FANCA: variants seen among roughly 807,000 people sequenced by gnomAD.
FANCA encodes Fanconi anemia group A protein.
In FANCA, 236 loss-of-function variants were observed where a neutral mutation model predicts 194.3. The observed-to-expected ratio is 1.21, with a 90% CI of 1.09 to 1.35. FANCA has a LOEUF of 1.35. Among genes scored for constraint, FANCA ranks in the 40% most tolerant of loss-of-function variants. The pLI is 0.00. For synonymous variants in FANCA, 1,014 were observed against 715.8 expected (o/e 1.42, Z -6.65); for missense variants, 2,628 against 1,813.9 (o/e 1.45, Z -8.15).
rs1473904587 is a variant in FANCA at position 89,758,569 on chromosome 16, C to T, written c.2981+8G>A. On this transcript the variant is annotated splice_region_variant and intron_variant, in intron 30 of 42. Transcript: ENST00000389301. ...CCAGAGAACCCTAATACAGTGTGTG[C>T]TGCTAACCTTTGGTGGAAATCCATC... is the stretch of plus-strand genomic sequence containing the variant. 7 of 1,613,090 alleles carry T rather than the reference C, an allele frequency of 4.3e-6. No individual in the cohort carries two copies. Among genetic ancestry groups the T allele is most frequent in the Non-Finnish European group, 5.9e-6 (7 of 1,179,268 alleles).
chr16:89,798,943 G>A, intron 10 of FANCA: 1 of 1,609,730 alleles, frequency 6.2e-7, no homozygotes, highest in Non-Finnish European at 8.5e-7. Context: ...ATACTGCAGT[G>A]GGCGCACCTT....
rs375895456 is a variant in FANCA, at chr16:89,792,476, G to A, written c.1078C>T (p.Arg360Cys). 48 of 1,612,952 alleles carry A rather than the reference G, an allele frequency of 3.0e-5. No individual in the cohort carries two copies. The highest frequency in any genetic ancestry group is 5.3e-5 in the African/African-American group (4 of 74,876). ...RTHPLLTSLYRRLFVMLSAEE... is the reference protein window; with the variant it reads ...RTHPLLTSLYCRLFVMLSAEE... ...ATAATACCACATCCACTCACCCTGC[G>A]GTACAGTGAGGTGAGCAGAGGGTGT... Residue 360 changes from arginine to cysteine, a missense_variant, in exon 12 of 43, where the codon CGC becomes TGC. Arg to Cys is a radical substitution (Grantham distance 180). Coordinates refer to ENST00000389301, the MANE Select transcript of FANCA (RefSeq NM_000135.4).
Position 89,816,559 on chromosome 16 carries a change from C to G in FANCA, c.57G>C (p.Arg19=), listed in dbSNP as rs930955916. The change falls in exon 1 of 43, where the codon CGG becomes CGC. Residue 19 remains arginine, a synonymous_variant. Coordinates refer to ENST00000389301, the MANE Select transcript of FANCA (RefSeq NM_000135.4). ...TACCCAGCAGCTCGGCCCAGGCCCT[C>G]CGGCGGCCCCCTGGGTCCTGGCCCG... ...SASGQDPGGR[R]RAWAELLAGR... is the part of the protein sequence containing the mutation. 6 of 1,511,656 alleles carry G rather than the reference C, an allele frequency of 4.0e-6. No homozygotes were observed. The highest frequency in any genetic ancestry group is 2.1e-4 in the Middle Eastern group (1 of 4,774). 93.6% of individuals were successfully genotyped at this position (1,511,656 alleles called of 1,614,324 possible).
chr16:89,783,220 G>C (rs1274509269), intron 15 of FANCA, 118 bp from the exon 16 acceptor site: 1 of 791,954 alleles, frequency 1.3e-6, no homozygotes, highest in Non-Finnish European at 2.2e-6. Flanking sequence ...GCCCTTTACA[G>C]TCAGACTTAT....
Position 89,784,927 on chromosome 16 carries a change from C to T in FANCA, c.1397G>A (p.Ser466Asn), listed in dbSNP as rs1198540518. 6.2e-7 allele frequency: 1 copy of T among 1,614,020 alleles called. No homozygotes were observed. The highest frequency in any genetic ancestry group is 1.3e-5 in the African/African-American group (1 of 74,924). ...AAACAGGAAGACCAGGGCCTTCTTG[C>T]TGCAGCCATGGTAGCCTCGTGTGCT... ...FGSTRGYHGC[S>N]KKALVFLFTF... Residue 466 changes from serine to asparagine, a missense_variant, in exon 15 of 43, where the codon AGC (serine) becomes AAC (asparagine). Coordinates refer to ENST00000389301, the MANE Select transcript of FANCA (RefSeq NM_000135.4).
intron 3 of FANCA, among the ~76,000 whole-genome samples, chr16:89,811,905 T>A (rs554192167): frequency 2.0e-5 from 3 of 151,838 alleles, no homozygotes; most frequent in Non-Finnish European, 4.4e-5. Flanking sequence ...TAATTTTTTG[T>A]ATTTTTAGTA....
chr16:89,785,003 G>A (rs750042044), intron 14 of FANCA, 39 bp from the exon 15 acceptor site: 1 of 1,490,802 alleles, frequency 6.7e-7, no homozygotes, highest in East Asian at 2.3e-5. Flanking sequence ...GGACAGCCAG[G>A]CGCGGCTGCA....
rs1302571510 is a variant in FANCA, at chr16:89,805,176, G to A, written c.709+104C>T. 53 of 877,410 alleles carry A rather than the reference G, an allele frequency of 6.0e-5. 1 individual carries two copies. The Middle Eastern group carries it at 1.6e-3, about 26-fold the overall frequency. 54.4% of individuals were successfully genotyped at this position (877,410 alleles called of 1,614,324 possible). A position where few individuals can be genotyped will look rare whatever the true frequency, so the allele number is the denominator to read the frequency against. ...TGTCATGCCAGGTTCCCACGGCCACGGAGAGACAGGCTGTTCTGCCTCGCA... is the reference window on the plus strand; with the variant it reads ...TGTCATGCCAGGTTCCCACGGCCACAGAGAGACAGGCTGTTCTGCCTCGCA... On this transcript the variant is annotated intron_variant, in intron 7 of 42. Transcript: ENST00000389301.
intron 10 of FANCA, 93 bp downstream of exon 10, chr16:89,799,073 T>C: frequency 1.2e-6 from 2 of 1,614,256 alleles, no homozygotes; most frequent in South Asian, 1.1e-5. Flanking sequence ...AGCGGGCTGC[T>C]GAAGCTCTGG....
In FANCA at chr16:89,739,836, T is replaced by G. The variant is rs565478136; in HGVS notation, c.3934+158A>C. The G allele has an allele frequency of 2.7e-4, 405 of 1,490,212 alleles. 1 individual carries two copies. Among genetic ancestry groups the G allele is most frequent in the Non-Finnish European group, 3.3e-4 (372 of 1,123,220 alleles). The allele number at this position is 1,490,212 out of a possible 1,614,324, so 92.3% of individuals were successfully genotyped here. On this transcript the variant is annotated intron_variant, in intron 39 of 42. Transcript: ENST00000389301. ...CCAGTGAGCCAGTAAATTATCTTAT[T>G]GCTTTAAACAAGTTTGTGCTTAATC... is the stretch of plus-strand genomic sequence containing the variant.
rs1429711014 is a variant in FANCA, at chr16:89,798,507, CA to C, written c.893+658del. On this transcript the variant is annotated intron_variant, in intron 10 of 42. Coordinates refer to ENST00000389301, the MANE Select transcript of FANCA (RefSeq NM_000135.4). ...GGTTGACAAGGCCTGGAAACAGTGG[CA>C]AATTCTACTGGTTTCTCAAGACTTC... The C allele has an allele frequency of 5.0e-5, 55 of 1,102,568 alleles. No homozygotes were observed. The Admixed American group carries it at 1.2e-3, about 24-fold the overall frequency. 68.3% of individuals were successfully genotyped at this position (1,102,568 alleles called of 1,614,324 possible).
intron 28 of FANCA, 144 bp downstream of exon 28, chr16:89,764,746 G>C: frequency 2.0e-6 from 2 of 985,800 alleles, no homozygotes; most frequent in South Asian, 1.3e-5. Context: ...GGAGACAGTC[G>C]GCACACACAC....
At chr16:89,778,654 A>AG in intron 20 of FANCA, 147 bp downstream of exon 20, 1 of 681,754 alleles carries the variant, frequency 1.5e-6, no homozygotes, top group East Asian at 2.8e-5. Flanking sequence ...AAAAAAAAAA[A>AG]AAAGTAACCA....
At chr16:89,768,613 G>A (rs577068692) in intron 26 of FANCA, among the ~76,000 whole-genome samples, 23 of 152,076 alleles carry the variant, frequency 1.5e-4, no homozygotes, top group Admixed American at 4.6e-4. Context: ...CCAAGATCAC[G>A]CTACTGCACT....
At position 89,769,847 on chromosome 16, in the gene FANCA, A is replaced by G; in HGVS notation, c.2494T>C (p.Phe832Leu). 1 of 1,614,142 alleles carries G rather than the reference A, an allele frequency of 6.2e-7. No homozygotes were observed. The highest frequency in any genetic ancestry group is 2.2e-5 in the East Asian group (1 of 44,876). The part of the protein sequence containing the change: ...LTCRTRDSLF[F>L]CLKFCTAAIS... ...GGAAGAAGAGCTCACTTCAGGCAGAAGAACAAGGAATCCCTCGTCCTACAG... is the reference window on the plus strand; with the variant it reads ...GGAAGAAGAGCTCACTTCAGGCAGAGGAACAAGGAATCCCTCGTCCTACAG... The change falls in exon 26 of 43, where the codon TTC becomes CTC. Residue 832 changes from phenylalanine to leucine, a missense_variant. Phe to Leu is a conservative substitution (Grantham distance 22). Transcript: ENST00000389301.
At chr16:89,806,830 T>C (rs574876900) in intron 6 of FANCA, among the ~76,000 whole-genome samples, 5 of 152,284 alleles carry the variant, frequency 3.3e-5, no homozygotes, top group South Asian at 2.1e-4. Flanking sequence ...AAAACCGCCA[T>C]TGTCATCATG....
rs1370919778 is a variant in FANCA, at chr16:89,762,039, G to A, written c.2779-17C>T. 6 of 1,598,808 alleles carry A rather than the reference G, an allele frequency of 3.8e-6. No homozygotes were observed. Among genetic ancestry groups the A allele is most frequent in the Non-Finnish European group, 4.3e-6 (5 of 1,166,048 alleles). ...GTAAGTTAACTGAGAAAGAGAGCAA[G>A]CAATTCAATACAATGAGGACAGAAC... On this transcript the variant is annotated splice_polypyrimidine_tract_variant and intron_variant, in intron 28 of 42. Transcript: ENST00000389301.
intron 24 of FANCA, 43 bp downstream of exon 24, chr16:89,770,521 C>G (rs765900709): frequency 1.9e-6 from 3 of 1,554,800 alleles, no homozygotes; most frequent in Non-Finnish European, 2.6e-6. Flanking sequence ...AGAGGTGGCA[C>G]CCAGAGGAGC....
chr16:89,791,998 T>G lies in FANCA; in HGVS notation c.1154A>C (p.His385Pro). 1.9e-6 allele frequency: 3 copies of G among 1,614,198 alleles called. No individual in the cohort carries two copies. The highest frequency in any genetic ancestry group is 1.7e-6 in the Non-Finnish European group (2 of 1,180,016). ...LQEVLETQEV[H>P]WQRVLSFVSA... is the part of the protein sequence containing the mutation. The stretch of plus-strand genomic sequence containing the variant: ...CACAAAGGAGAGCACTCTCTGCCAG[T>G]GAACCTCCTGCGTTTCCAGAACTTC... The change falls in exon 13 of 43, where the codon CAC (histidine) becomes CCC (proline). Residue 385 changes from histidine (H) to proline (P), a missense_variant. Coordinates refer to ENST00000389301, the MANE Select transcript of FANCA (RefSeq NM_000135.4).
Sources: allele counts gnomAD v4.1 joint callset (sites outside exome capture counted in the v4.1 genomes callset), GRCh38; gene constraint gnomAD v4.1.1; transcripts MANE v1.5; gene names NCBI Gene and HGNC (gene_info 2026-07-23, HGNC 2026-07-21).